The following TEX36 variants were observed in gnomAD, a reference collection of about 807,000 sequenced individuals.
TEX36 encodes testis expressed 36.
In TEX36, 12 loss-of-function variants were observed where a neutral mutation model predicts 13.6. That is an observed-to-expected ratio of 0.88 (90% CI 0.56 to 1.43). The LOEUF (loss-of-function observed/expected upper bound fraction) is 1.43, where lower values mean the gene tolerates loss of function less well. TEX36 is among the 40% of genes most tolerant of loss of function. The probability of loss-of-function intolerance (pLI) is 0.00; values close to 1 mark genes in which losing one functional copy is unlikely to be tolerated. For missense variants in TEX36, 224 were observed against 228.3 expected, an observed-to-expected ratio of 0.98 and a Z score of 0.12; for synonymous variants, 93 against 83.0, an observed-to-expected ratio of 1.12 and a Z score of -0.65.
chr10:125,586,633 T>A (rs1191816096), intron 3 of TEX36, among the ~76,000 whole-genome samples: 86 of 77,390 alleles, frequency 1.1e-3, no homozygotes, highest in Non-Finnish European at 1.5e-3. Context: ...CTACTAAAAA[T>A]CCAAAAAAAA....
exon 4 of TEX36, chr10:125,576,644 C>G: frequency 2.2e-6 from 3 of 1,392,790 alleles, no homozygotes; most frequent in Non-Finnish European, 2.9e-6. Context: ...CTGGTGGTTA[C>G]TAACTAGCTA....
At chr10:125,613,439 C>T (rs1403437883) in intron 3 of TEX36, among the ~76,000 whole-genome samples, 2 of 89,810 alleles carry the variant, frequency 2.2e-5, no homozygotes, top group African/African-American at 9.1e-5. Flanking sequence ...CCTCCCCCCA[C>T]CCCACAACAG....
chr10:125,591,280 TGG>T (rs2133532779), intron 3 of TEX36, among the ~76,000 whole-genome samples: 1 of 152,372 alleles, frequency 6.6e-6, no homozygotes, highest in East Asian at 1.9e-4. Flanking sequence ...TTTTAATTAC[TGG>T]ACTCTCCTCT....
intron 3 of TEX36, among the ~76,000 whole-genome samples, chr10:125,641,170 G>T (rs1846686471): frequency 6.6e-6 from 1 of 152,198 alleles, no homozygotes; most frequent in Non-Finnish European, 1.5e-5. Context: ...GCCATGGCAG[G>T]AGAAGTGCCC....
downstream of TEX36, among the ~76,000 whole-genome samples, chr10:125,655,322 GT>G (rs1846921731): frequency 6.6e-6 from 1 of 152,168 alleles, no homozygotes; most frequent in Non-Finnish European, 1.5e-5. Context: ...GTGCACACCT[GT>G]AATCCCAGCT....
intron 3 of TEX36, among the ~76,000 whole-genome samples, chr10:125,612,089 CT>C (rs1221864951): frequency 0.056 from 7,680 of 136,618 alleles, 254 homozygotes; most frequent in Middle Eastern, 0.13. Flanking sequence ...TTTTCTTTTT[CT>C]TTTTTTTTTT....
intron 2 of TEX36, 61 bp from the exon 3 acceptor site, chr10:125,661,162 G>C: frequency 7.3e-7 from 1 of 1,361,500 alleles, no homozygotes; most frequent in Non-Finnish European, 1.0e-6. Flanking sequence ...TTTCAGAACT[G>C]GGATCGGGTG....
chr10:125,643,419 C>T (rs746192707), intron 3 of TEX36, among the ~76,000 whole-genome samples: 6 of 151,994 alleles, frequency 3.9e-5, no homozygotes, highest in African/African-American at 9.7e-5. Context: ...ACCAGCCTGG[C>T]GAACATGGCG....
intron 1 of TEX36, among the ~76,000 whole-genome samples, chr10:125,663,650 T>G (rs1307458550): frequency 6.6e-6 from 1 of 152,248 alleles, no homozygotes; most frequent in Non-Finnish European, 1.5e-5. Flanking sequence ...TGATGATTAG[T>G]GATGTTTAGC....
At chr10:125,661,237 G>C in intron 2 of TEX36, 136 bp from the exon 3 acceptor site, 1 of 712,540 alleles carries the variant, frequency 1.4e-6, no homozygotes, top group Non-Finnish European at 2.5e-6. Context: ...TGGCCCCAGA[G>C]ATGGAGCAGA....
At chr10:125,665,954 AT>A (rs2133600567) in intron 1 of TEX36, among the ~76,000 whole-genome samples, 1 of 152,194 alleles carries the variant, frequency 6.6e-6, no homozygotes, top group South Asian at 2.1e-4. Context: ...TTTTGTAGCT[AT>A]TATAAATGAA....
intron 1 of TEX36, among the ~76,000 whole-genome samples, chr10:125,670,060 A>G (rs1328144938): frequency 6.6e-6 from 1 of 152,222 alleles, no homozygotes; most frequent in Non-Finnish European, 1.5e-5. Context: ...GAACATACGC[A>G]TGAATGTATC....
At position 125,667,765 on chromosome 10, in the gene TEX36, C is replaced by T. The variant is rs982536858; in HGVS notation, c.52-5788G>A. Reference sequence around the variant, plus strand: ...TCACGCAGTCGTCAGCTGTCAGCAGCAGCTGACAGTAGAAGCGCCAGTTCT... The same window carrying T: ...TCACGCAGTCGTCAGCTGTCAGCAGTAGCTGACAGTAGAAGCGCCAGTTCT... On this transcript the variant is annotated intron_variant, in intron 1 of 3. Transcript: ENST00000368821. The T allele has an allele frequency of 1.3e-5, 11 of 860,882 alleles. No individual in the cohort carries two copies. The African/African-American group carries it at 1.8e-4, about 14-fold the overall frequency. The allele number at this position is 860,882 out of a possible 1,614,324, so 53.3% of individuals were successfully genotyped here.
intron 3 of TEX36, among the ~76,000 whole-genome samples, chr10:125,624,508 C>A (rs1343018339): frequency 6.6e-6 from 1 of 152,050 alleles, no homozygotes; most frequent in Non-Finnish European, 1.5e-5. Flanking sequence ...GGAAGAGTTG[C>A]AATGGGTCAT....
At chr10:125,681,943 G>GT (rs1293867967) in intron 1 of TEX36, among the ~76,000 whole-genome samples, 1 of 152,180 alleles carries the variant, frequency 6.6e-6, no homozygotes, top group African/African-American at 2.4e-5. Flanking sequence ...GGGTAGATCA[G>GT]TTTTTTAAAG....
At chr10:125,598,658 G>A (rs1846109315) in intron 3 of TEX36, among the ~76,000 whole-genome samples, 1 of 152,154 alleles carries the variant, frequency 6.6e-6, no homozygotes, top group Non-Finnish European at 1.5e-5. Context: ...CTAATCAGTA[G>A]ATTTTACTGA....
chr10:125,668,533 T>A (rs1847165001), intron 1 of TEX36, among the ~76,000 whole-genome samples: 2 of 152,110 alleles, frequency 1.3e-5, no homozygotes. Flanking sequence ...TCTCCACAGA[T>A]CTTTTATATT....
At chr10:125,623,653 C>T (rs566705690) in intron 3 of TEX36, among the ~76,000 whole-genome samples, 3 of 151,152 alleles carry the variant, frequency 2.0e-5, no homozygotes, top group African/African-American at 2.4e-5. Context: ...CAGGAAGGTG[C>T]GAGGCCCTGT....
intron 3 of TEX36, among the ~76,000 whole-genome samples, chr10:125,624,153 G>A (rs550143979): frequency 6.6e-6 from 1 of 152,188 alleles, no homozygotes; most frequent in African/African-American, 2.4e-5. Flanking sequence ...AGAAAGGCAA[G>A]TTAATCTTAG....
Sources: allele counts gnomAD v4.1 joint callset (sites outside exome capture counted in the v4.1 genomes callset), GRCh38; gene constraint gnomAD v4.1.1; transcripts MANE v1.5; gene names NCBI Gene and HGNC (gene_info 2026-07-23, HGNC 2026-07-21).